The following MYRIP variants were observed in gnomAD, a reference collection of about 807,000 sequenced individuals.
The protein encoded by MYRIP is myosin VIIA and Rab interacting protein.
In MYRIP, 49 loss-of-function variants were observed where a neutral mutation model predicts 98.0. The observed-to-expected ratio is 0.50, with a 90% CI of 0.40 to 0.63. MYRIP has a LOEUF of 0.63. Among genes scored for constraint, MYRIP ranks in the 30% least tolerant of loss-of-function variants. The pLI is 0.00. For missense variants in MYRIP, 1,004 were observed against 1,058.2 expected, an observed-to-expected ratio of 0.95 and a Z score of 0.71; for synonymous variants, 404 against 409.5, an observed-to-expected ratio of 0.99 and a Z score of 0.16.
At chr3:40,030,942 A>T (rs756444158) in intron 2 of MYRIP, among the ~76,000 whole-genome samples, 3 of 152,124 alleles carry the variant, frequency 2.0e-5, no homozygotes, top group Non-Finnish European at 4.4e-5. Flanking sequence ...TGAATTGTAT[A>T]TACTTAAGAG....
intron 2 of MYRIP, among the ~76,000 whole-genome samples, chr3:39,913,575 A>C (rs1599903): frequency 0.49 from 74,131 of 151,980 alleles, 19,121 homozygotes; most frequent in African/African-American, 0.67. Context: ...ATAAACTAGA[A>C]CCCCTGAAAT....
At chr3:39,829,855 G>A (rs1457376386) in intron 1 of MYRIP, among the ~76,000 whole-genome samples, 1 of 152,128 alleles carries the variant, frequency 6.6e-6, no homozygotes, top group Non-Finnish European at 1.5e-5. Context: ...TCTGAGGTAT[G>A]CCAAGTTGTG....
intron 1 of MYRIP, among the ~76,000 whole-genome samples, chr3:39,836,629 T>G (rs1046772110): frequency 1.3e-5 from 2 of 152,184 alleles, no homozygotes; most frequent in African/African-American, 4.8e-5. Flanking sequence ...TAAAGTACAC[T>G]GGCACACAGA....
At chr3:40,106,562 C>A (rs1296633160) in intron 3 of MYRIP, among the ~76,000 whole-genome samples, 1 of 151,994 alleles carries the variant, frequency 6.6e-6, no homozygotes, top group East Asian at 1.9e-4. Flanking sequence ...TTTATATATT[C>A]TTTCATAGGT....
rs749499762 is a variant in MYRIP, at chr3:40,190,033, C to T, written c.1235C>T (p.Pro412Leu). The change falls in exon 10 of 17, where the codon CCC becomes CTC. Residue 412 changes from proline to leucine, a missense_variant. By Grantham distance (98) the Pro-to-Leu change is moderately conservative. Transcript: ENST00000302541. ...AGTGAGGCCTTGAGCAAGCTGTGTC[C>T]CAGGTCCCGGGCCCTGCCCAGGAAC... ...DWSEALSKLC[P>L]RSRALPRNPQ... 2.5e-6 allele frequency: 4 copies of T among 1,614,072 alleles called. No individual in the cohort carries two copies. The highest frequency in any genetic ancestry group is 1.1e-5 in the South Asian group (1 of 91,072).
At chr3:40,035,370 C>T (rs1383649860) in intron 2 of MYRIP, among the ~76,000 whole-genome samples, 1 of 151,924 alleles carries the variant, frequency 6.6e-6, no homozygotes, top group African/African-American at 2.4e-5. Flanking sequence ...TGAAGCTGTT[C>T]TAGAATTGAG....
chr3:40,256,886 T>C (rs1953609060), intron 16 of MYRIP, among the ~76,000 whole-genome samples: 1 of 152,170 alleles, frequency 6.6e-6, no homozygotes, highest in Admixed American at 6.5e-5. Context: ...GCCTGCTCCG[T>C]GGCTGGTAAG....
At chr3:40,123,547 A>G (rs902104237) in intron 3 of MYRIP, among the ~76,000 whole-genome samples, 10 of 152,204 alleles carry the variant, frequency 6.6e-5, no homozygotes, top group African/African-American at 2.2e-4. Flanking sequence ...AGGCTGAAGC[A>G]GGTTCACTGT....
chr3:40,052,448 G>A lies in MYRIP; in HGVS notation c.332+8177G>A, dbSNP rs1171055942. Reference sequence around the variant, plus strand: ...AATACATTAAACAATTATCACCGTGGGCTAAGAATATGCACAAGTTAACAA... The same window carrying A: ...AATACATTAAACAATTATCACCGTGAGCTAAGAATATGCACAAGTTAACAA... On this transcript the variant is annotated intron_variant, in intron 3 of 16. Coordinates refer to ENST00000302541, the MANE Select transcript of MYRIP (RefSeq NM_015460.4). Among the ~76,000 whole-genome samples the A allele has an allele frequency of 2.0e-5, 3 of 152,008 alleles. 1 individual carries two copies. Among genetic ancestry groups the A allele is most frequent in the African/African-American group, 7.2e-5 (3 of 41,382 alleles).
intron 2 of MYRIP, among the ~76,000 whole-genome samples, chr3:39,938,084 G>T (rs1027865846): frequency 6.6e-6 from 1 of 152,130 alleles, no homozygotes; most frequent in Non-Finnish European, 1.5e-5. Context: ...ACATGCCTGT[G>T]TAACCAGCAC....
At chr3:40,060,110 A>G (rs1947975489) in intron 3 of MYRIP, among the ~76,000 whole-genome samples, 1 of 152,190 alleles carries the variant, frequency 6.6e-6, no homozygotes, top group Non-Finnish European at 1.5e-5. Context: ...TAGGGCTTCA[A>G]AGCTGTCAAC....
At chr3:40,148,056 C>A (rs1039693261) in intron 3 of MYRIP, among the ~76,000 whole-genome samples, 4 of 152,310 alleles carry the variant, frequency 2.6e-5, no homozygotes, top group East Asian at 1.9e-4. Context: ...TTTGGCTGAA[C>A]ATAGAAGTCT....
intron 3 of MYRIP, among the ~76,000 whole-genome samples, chr3:40,117,383 C>T (rs866877956): frequency 2.6e-5 from 4 of 152,124 alleles, no homozygotes; most frequent in Middle Eastern, 3.2e-3. Context: ...GTGTCACAAC[C>T]TCCCCCCTTT....
intron 2 of MYRIP, among the ~76,000 whole-genome samples, chr3:39,901,880 C>G (rs1458880864): frequency 1.3e-5 from 2 of 151,890 alleles, no homozygotes; most frequent in African/African-American, 4.8e-5. Context: ...TGCTTATAGC[C>G]TAGCAAGGGA....
rs746972946 is a variant in MYRIP, at chr3:40,044,180, T to G, written c.241T>G (p.Cys81Gly). ...CTTCCTCGTCAACACCAAGCGCCAGTGTGGAGATTGCAAATTCAATGTCTG... is the reference window on the plus strand; with the variant it reads ...CTTCCTCGTCAACACCAAGCGCCAGGGTGGAGATTGCAAATTCAATGTCTG... ...FTFLVNTKRQ[C>G]GDCKFNVCKS... Residue 81 changes from cysteine (C) to glycine (G), a missense_variant, in exon 3 of 17, where the codon TGT becomes GGT. Cys to Gly is a radical substitution (Grantham distance 159). Around this residue, in one of 3 missense-constraint regions of MYRIP, gnomAD observed 880 missense variants for 907.7 expected, o/e 0.97. Transcript: ENST00000302541. 1 of 1,614,152 alleles carries G rather than the reference T, an allele frequency of 6.2e-7. No individual in the cohort carries two copies. Among genetic ancestry groups the G allele is most frequent in the Non-Finnish European group, 8.5e-7 (1 of 1,180,004 alleles).
intron 1 of MYRIP, among the ~76,000 whole-genome samples, chr3:39,841,885 G>A (rs768792696): frequency 1.2e-4 from 19 of 152,190 alleles, no homozygotes; most frequent in Non-Finnish European, 2.4e-4. Flanking sequence ...TGTATAAGGT[G>A]TCTGTCAACC....
chr3:39,824,888 T>C (rs1280820128), intron 1 of MYRIP, among the ~76,000 whole-genome samples: 1 of 152,102 alleles, frequency 6.6e-6, no homozygotes, highest in Non-Finnish European at 1.5e-5. Context: ...GCTAATTTTT[T>C]AAAATTTTAT....
At chr3:40,167,306 AG>A (rs2125594896) in intron 7 of MYRIP, 67 bp downstream of exon 7, 1 of 1,416,162 alleles carries the variant, frequency 7.1e-7, no homozygotes, top group East Asian at 2.3e-5. Flanking sequence ...GACTCTGGCA[AG>A]TAGCAGGTGA....
chr3:39,898,295 A>G (rs1943662735), intron 1 of MYRIP, among the ~76,000 whole-genome samples: 2 of 152,180 alleles, frequency 1.3e-5, no homozygotes, highest in Admixed American at 1.3e-4. Flanking sequence ...AATAGTTGGA[A>G]TTCCTGTTGT....
Sources: allele counts gnomAD v4.1 joint callset (sites outside exome capture counted in the v4.1 genomes callset), GRCh38; gene constraint gnomAD v4.1.1; regional missense constraint gnomAD v4.1.1; transcripts MANE v1.5; gene names NCBI Gene and HGNC (gene_info 2026-07-23, HGNC 2026-07-21).